The following RECQL variants were observed in gnomAD, a reference collection of about 807,000 sequenced individuals.
RECQL encodes the protein RecQ like helicase, also known as ATP-dependent DNA helicase Q1.
Under a neutral mutation model 75.8 loss-of-function variants are expected in RECQL, and 73 were observed. The ratio of observed to expected loss-of-function variants is 0.96; its 90% confidence interval spans 0.80 to 1.17. RECQL has a LOEUF of 1.17. Ranked by LOEUF, RECQL falls within the 50% of genes most tolerant of loss-of-function variation. The pLI is 0.00. For synonymous variants in RECQL, 248 were observed against 254.4 expected, an observed-to-expected ratio of 0.97 and a Z score of 0.24; for missense variants, 699 against 772.1, an observed-to-expected ratio of 0.91 and a Z score of 1.12.
intron 6 of RECQL, among the ~76,000 whole-genome samples, chr12:21,478,842 G>C (rs1201402879): frequency 6.6e-6 from 1 of 152,160 alleles, no homozygotes; most frequent in African/African-American, 2.4e-5. Flanking sequence ...GAGGATGATG[G>C]ACAGATGCAG....
chr12:21,476,713 A>C (rs1272404515), intron 8 of RECQL, among the ~76,000 whole-genome samples, 198 bp downstream of exon 8: 1 of 152,156 alleles, frequency 6.6e-6, no homozygotes, highest in Non-Finnish European at 1.5e-5. Context: ...TTGACGACTC[A>C]TAATCTATGG....
At position 21,491,383 on chromosome 12, in the gene RECQL, T is replaced by C. The variant is rs138907998; in HGVS notation, c.214+136A>G. The C allele has an allele frequency of 1.8e-4, 135 of 766,796 alleles. 1 individual carries two copies. In the African/African-American group the frequency reaches 1.8e-3, roughly 10 times the overall value. The allele number at this position is 766,796 out of a possible 1,614,324, so 47.5% of individuals were successfully genotyped here. On this transcript the variant is annotated intron_variant, in intron 3 of 14. Transcript: ENST00000444129. ...AGGGAAAGAATGATCCACCTGCAAG[T>C]TTCCCATTCCACTGGAGAAATGGCC...
At position 21,471,492 on chromosome 12, in the gene RECQL, G is replaced by T; in HGVS notation, c.1603C>A (p.Pro535Thr). 6.2e-7 allele frequency: 1 copy of T among 1,613,150 alleles called. No homozygotes were observed. Among genetic ancestry groups the T allele is most frequent in the Non-Finnish European group, 8.5e-7 (1 of 1,179,434 alleles). Residue 535 changes from proline (P) to threonine (T), a missense_variant, in exon 13 of 15, where the codon CCC (proline) becomes ACC (threonine). Physicochemically the swap from Pro to Thr is conservative, Grantham distance 38. Transcript: ENST00000444129. ...TCCAGATCTTCACGAGGAAGTGTGG[G>T]AGCCACAACACCTGCTACTCTCAGT... is the stretch of plus-strand genomic sequence containing the variant. ...AKLRVAGVVA[P>T]TLPREDLEKI...
rs115287230 is a variant in RECQL, at chr12:21,496,137, T to C, written c.16+3418A>G. Among the ~76,000 whole-genome samples, 480 of 152,312 alleles carry C rather than the reference T, an allele frequency of 3.2e-3. 4 individuals are homozygous for C. Among genetic ancestry groups the C allele is most frequent in the African/African-American group, 0.011 (455 of 41,562 alleles). ...GCCTACATCAACGGCATGAAAGATA[T>C]GAGGGTAATGATGACTTCCATGTCG... On this transcript the variant is annotated intron_variant, in intron 2 of 14. Transcript: ENST00000444129.
chr12:21,491,753 G>A, intron 2 of RECQL, 37 bp from the exon 3 acceptor site: 1 of 1,538,012 alleles, frequency 6.5e-7, no homozygotes, highest in Admixed American at 2.1e-5. Context: ...ATTAGACAGA[G>A]TAAATTACAA....
chr12:21,470,948 T>G (rs1438772598), intron 14 of RECQL, 21 bp downstream of exon 14: 1 of 1,451,182 alleles, frequency 6.9e-7, no homozygotes, highest in South Asian at 1.5e-5. Flanking sequence ...TATATAAAAC[T>G]GAAAATTAAT....
At chr12:21,497,087 G>A (rs1565576919) in intron 2 of RECQL, among the ~76,000 whole-genome samples, 1 of 152,186 alleles carries the variant, frequency 6.6e-6, no homozygotes, top group Non-Finnish European at 1.5e-5. Context: ...GGTCTTACAA[G>A]AGACTAAGTT....
At position 21,477,861 on chromosome 12, in the gene RECQL, C is replaced by T. The variant is rs149763880; in HGVS notation, c.809G>A (p.Cys270Tyr). The T allele has an allele frequency of 6.3e-5, 101 of 1,613,630 alleles. No homozygotes were observed. In the African/African-American group the frequency reaches 1.3e-3, roughly 20 times the overall value. The change falls in exon 7 of 15, where the codon TGC becomes TAC. Residue 270 changes from cysteine to tyrosine, a missense_variant. Coordinates refer to ENST00000444129, the MANE Select transcript of RECQL (RefSeq NM_002907.4). ...TGTAAAAGTAAAACACTTTTCAATG[C>T]ACAAAATTTTCTGAGCATCCGTCAA... ...HVLTDAQKIL[C>Y]IEKCFTFTAS...
At chr12:21,500,531 T>C (rs1461977022) in intron 1 of RECQL, among the ~76,000 whole-genome samples, 2 of 152,232 alleles carry the variant, frequency 1.3e-5, no homozygotes, top group Non-Finnish European at 2.9e-5. Context: ...ATAGGCTGAC[T>C]CTTTTTTGCC....
rs73082672 is a variant in RECQL, at chr12:21,480,193, T to C, written c.701-2224A>G. Among the ~76,000 whole-genome samples the C allele has an allele frequency of 6.8e-3, 1,034 of 152,284 alleles. 3 individuals carry two copies. The highest frequency in any genetic ancestry group is 0.02 in the Middle Eastern group (6 of 294). On this transcript the variant is annotated intron_variant, in intron 6 of 14. Transcript: ENST00000444129. ...TGGGGGCAGATCACATATTACCCTA[T>C]GGGCCCCAGTTAAGAACGCTGGGTT...
intron 13 of RECQL, 139 bp from the exon 14 acceptor site, chr12:21,471,237 G>A: frequency 9.7e-7 from 1 of 1,031,170 alleles, no homozygotes. Context: ...TGCAAATAAA[G>A]CCTTTAAAGA....
intron 4 of RECQL, among the ~76,000 whole-genome samples, chr12:21,488,271 C>G (rs1943343535): frequency 6.6e-6 from 1 of 152,180 alleles, no homozygotes; most frequent in African/African-American, 2.4e-5. Flanking sequence ...CCTTCCCTAG[C>G]CTTCTAATAA....
chr12:21,494,743 G>A (rs180811228), intron 2 of RECQL, among the ~76,000 whole-genome samples: 35 of 152,262 alleles, frequency 2.3e-4, no homozygotes, highest in African/African-American at 7.7e-4. Context: ...CACCAAGACT[G>A]TGAAAAATAC....
At chr12:21,493,916 T>C (rs1371211869) in intron 2 of RECQL, among the ~76,000 whole-genome samples, 1 of 152,194 alleles carries the variant, frequency 6.6e-6, no homozygotes, top group East Asian at 1.9e-4. Flanking sequence ...TGCCAAAATA[T>C]ATCAATAGAA....
intron 2 of RECQL, among the ~76,000 whole-genome samples, chr12:21,497,150 T>C (rs1943523579): frequency 6.6e-6 from 1 of 152,164 alleles, no homozygotes. Flanking sequence ...GACCCATCAA[T>C]TCATCAGGCA....
intron 3 of RECQL, among the ~76,000 whole-genome samples, chr12:21,491,051 C>T (rs957630281): frequency 6.6e-5 from 10 of 152,076 alleles, no homozygotes; most frequent in South Asian, 2.1e-4. Context: ...CTTGTTCAGA[C>T]GTGAATCATT....
chr12:21,469,415 C>T lies in RECQL; in HGVS notation c.*779G>A, dbSNP rs1942872073. 1 of 151,196 alleles carries T rather than the reference C, an allele frequency of 6.6e-6. No individual in the cohort carries two copies. Among genetic ancestry groups the T allele is most frequent in the African/African-American group, 2.4e-5 (1 of 41,140 alleles). The allele number at this position is 151,196 out of a possible 1,614,324, so 9.4% of individuals were successfully genotyped here. A position where few individuals can be genotyped will look rare whatever the true frequency, so the allele number is the denominator to read the frequency against. The stretch of plus-strand genomic sequence containing the variant: ...GCTCATCAGCTATCGTCAGTGTTAG[C>T]ATATTTTATGTGCGGCCCAAGACAA... On this transcript the variant is annotated 3_prime_UTR_variant, in exon 15 of 15. Transcript: ENST00000444129.
At chr12:21,500,576 A>G (rs1943591135) in intron 1 of RECQL, among the ~76,000 whole-genome samples, 1 of 152,258 alleles carries the variant, frequency 6.6e-6, no homozygotes, top group South Asian at 2.1e-4. Context: ...CACCATTAAA[A>G]GAAGGCTAAA....
In RECQL at chr12:21,490,287, T is replaced by C; in HGVS notation, c.306A>G (p.Val102=). The C allele has an allele frequency of 6.2e-7, 1 of 1,612,898 alleles. No individual in the cohort carries two copies. Residue 102 remains valine, a synonymous_variant, in exon 4 of 15, where the codon GTA becomes GTG. Transcript: ENST00000444129. ...GAAATACCTCCTTTCCAGCCATTGT[T>C]ACGTTAATAGTTTCAAGCTGAAGTG... ...FRPLQLETIN[V]TMAGKEVFLV...
Sources: gnomAD v4.1 joint callset for allele counts (sites outside exome capture counted in the v4.1 genomes callset) on GRCh38, gnomAD v4.1.1 for gene constraint, MANE v1.5 for transcripts, NCBI Gene and HGNC (gene_info 2026-07-23, HGNC 2026-07-21) for gene names.